The following CNTN1 variants were observed in gnomAD, a reference collection of about 807,000 sequenced individuals.
CNTN1 encodes contactin 1.
CNTN1 carries 38 observed loss-of-function variants against 126.4 expected under a neutral mutation model. The observed-to-expected ratio is 0.30, with a 90% confidence interval of 0.23 to 0.39. The LOEUF (loss-of-function observed/expected upper bound fraction) is 0.39, where lower values mean the gene tolerates loss of function less well. Ranked by LOEUF, CNTN1 falls within the 10% of genes least tolerant of loss-of-function variation. The probability of loss-of-function intolerance (pLI) is 1.00; values close to 1 mark genes in which losing one functional copy is unlikely to be tolerated. For missense variants in CNTN1, 1,009 were observed against 1,248.4 expected, an observed-to-expected ratio of 0.81 and a Z score of 2.89; for synonymous variants, 413 against 422.6, an observed-to-expected ratio of 0.98 and a Z score of 0.28.
chr12:40,912,227 T>A (rs1206945421), intron 3 of CNTN1, among the ~76,000 whole-genome samples: 5 of 152,202 alleles, frequency 3.3e-5, no homozygotes, highest in Admixed American at 1.3e-4. Flanking sequence ...TTCTTAATTT[T>A]TTTTTAGATT....
chr12:40,945,519 T>C (rs550187843), intron 14 of CNTN1, among the ~76,000 whole-genome samples: 64 of 152,090 alleles, frequency 4.2e-4, no homozygotes, highest in Non-Finnish European at 8.7e-4. Context: ...GTTTATAAAG[T>C]AGTAACTAAT....
intron 16 of CNTN1, among the ~76,000 whole-genome samples, chr12:40,982,327 T>C (rs2120389135): frequency 6.6e-6 from 1 of 152,266 alleles, no homozygotes; most frequent in South Asian, 2.1e-4. Flanking sequence ...ACCTAAAGCA[T>C]GGGCAGTTTC....
At chr12:40,862,103 C>CT (rs1389603746) in intron 1 of CNTN1, among the ~76,000 whole-genome samples, 2 of 151,616 alleles carry the variant, frequency 1.3e-5, no homozygotes, top group East Asian at 3.9e-4. Context: ...TCTCAGAAGT[C>CT]TGACGTGGAA....
chr12:41,036,928 T>C (rs866914506), intron 23 of CNTN1, among the ~76,000 whole-genome samples: 2 of 152,206 alleles, frequency 1.3e-5, no homozygotes, highest in Admixed American at 6.5e-5. Flanking sequence ...TTTAAAAATC[T>C]TTGTTAAGCA....
chr12:41,033,715 C>G (rs1426168569), intron 23 of CNTN1, among the ~76,000 whole-genome samples: 1 of 151,730 alleles, frequency 6.6e-6, no homozygotes, highest in Non-Finnish European at 1.5e-5. Context: ...GATGAAGTAC[C>G]AGGTTATTGC....
chr12:40,740,630 T>C (rs1937901926), intron 1 of CNTN1, among the ~76,000 whole-genome samples: 1 of 152,076 alleles, frequency 6.6e-6, no homozygotes, highest in South Asian at 2.1e-4. Flanking sequence ...GAGAGCTTCC[T>C]CTTGTCCCCT....
At chr12:41,002,412 T>C (rs943576923) in intron 17 of CNTN1, among the ~76,000 whole-genome samples, 1 of 152,210 alleles carries the variant, frequency 6.6e-6, no homozygotes, top group Non-Finnish European at 1.5e-5. Context: ...TAAATTGGAT[T>C]GCATTCCTCA....
rs573012669 is a variant in CNTN1, at chr12:40,954,086, T to C, written c.1684-5028T>C. On this transcript the variant is annotated intron_variant, in intron 14 of 23. Transcript: ENST00000551295. ...GCTCATTGAAATAGTGGGAGTTTAG[T>C]AACAGGGTTATCTTTCAATTAGACA... Among the ~76,000 whole-genome samples the C allele has an allele frequency of 2.0e-5, 3 of 152,220 alleles. No individual in the cohort carries two copies. In the East Asian group the frequency reaches 5.8e-4, roughly 29 times the overall value.
intron 9 of CNTN1, among the ~76,000 whole-genome samples, chr12:40,935,592 C>T (rs537650592): frequency 6.6e-6 from 1 of 152,104 alleles, no homozygotes; most frequent in South Asian, 2.1e-4. Flanking sequence ...TCTGTGTTGT[C>T]TTTGTGAGGC....
At chr12:40,962,861 T>C (rs1947154800) in intron 15 of CNTN1, among the ~76,000 whole-genome samples, 1 of 152,162 alleles carries the variant, frequency 6.6e-6, no homozygotes, top group South Asian at 2.1e-4. Flanking sequence ...AGTTGGCTTT[T>C]ATATGAGTTA....
intron 1 of CNTN1, among the ~76,000 whole-genome samples, chr12:40,719,071 A>G (rs1289462990): frequency 1.3e-5 from 2 of 152,140 alleles, no homozygotes; most frequent in African/African-American, 4.8e-5. Flanking sequence ...TACGGTTCAA[A>G]ACTTTTTAAA....
chr12:40,746,856 AG>A, intron 1 of CNTN1, among the ~76,000 whole-genome samples: 1 of 151,992 alleles, frequency 6.6e-6, no homozygotes, highest in African/African-American at 2.4e-5. Context: ...CCAGTTCCTG[AG>A]GTCTTATCAG....
intron 23 of CNTN1, among the ~76,000 whole-genome samples, chr12:41,062,792 T>A (rs1949963327): frequency 6.6e-6 from 1 of 152,200 alleles, no homozygotes; most frequent in Admixed American, 6.5e-5. Context: ...ACATACCTCT[T>A]CTTCTTTTAA....
At position 40,939,468 on chromosome 12, in the gene CNTN1, G is replaced by T. The variant is rs1438171749; in HGVS notation, c.1362G>T (p.Trp454Cys). 1 of 1,613,864 alleles carries T rather than the reference G, an allele frequency of 6.2e-7. No individual in the cohort carries two copies. Among genetic ancestry groups the T allele is most frequent in the East Asian group, 2.2e-5 (1 of 44,814 alleles). The change falls in exon 12 of 24, where the codon TGG becomes TGT. Residue 454 changes from tryptophan (W) to cysteine (C), a missense_variant. Transcript: ENST00000551295. ...TTTCATGGAGTAAAGGGACAGAGTG[G>T]CTTGTCAATAGCAGCAGGTCAGTGC... ...PKFSWSKGTE[W>C]LVNSSRILIW...
chr12:40,733,585 T>G (rs1264164135), intron 1 of CNTN1, among the ~76,000 whole-genome samples: 1 of 151,982 alleles, frequency 6.6e-6, no homozygotes, highest in Non-Finnish European at 1.5e-5. Context: ...AAGGACTTGA[T>G]TGTGAGGAAT....
chr12:41,010,635 T>G (rs1948624297), intron 17 of CNTN1, among the ~76,000 whole-genome samples: 1 of 152,210 alleles, frequency 6.6e-6, no homozygotes, highest in Non-Finnish European at 1.5e-5. Context: ...AACTTGTCCC[T>G]TAGGATGAGC....
intron 1 of CNTN1, among the ~76,000 whole-genome samples, chr12:40,871,806 G>A (rs749394335): frequency 7.9e-5 from 12 of 152,036 alleles, no homozygotes; most frequent in Non-Finnish European, 1.3e-4. Flanking sequence ...TCTTTTGGCT[G>A]GAGGTTATTG....
chr12:40,781,437 G>A (rs1165246089), intron 1 of CNTN1, among the ~76,000 whole-genome samples: 4 of 152,000 alleles, frequency 2.6e-5, no homozygotes, highest in Non-Finnish European at 4.4e-5. Flanking sequence ...CCTCTATTGA[G>A]TATGTGTCAG....
intron 1 of CNTN1, among the ~76,000 whole-genome samples, chr12:40,706,096 T>TCA (rs1555142627): frequency 1.4e-5 from 2 of 147,696 alleles, no homozygotes; most frequent in Non-Finnish European, 3.0e-5. Flanking sequence ...ATTTGATGCT[T>TCA]TATATATATA....
Sources: gnomAD v4.1 joint callset for allele counts (sites outside exome capture counted in the v4.1 genomes callset) on GRCh38, gnomAD v4.1.1 for gene constraint, MANE v1.5 for transcripts, NCBI Gene and HGNC (gene_info 2026-07-23, HGNC 2026-07-21) for gene names.